SLC35A3: variants seen among roughly 807,000 people sequenced by gnomAD.
SLC35A3 encodes the protein solute carrier family 35 member A3.
A neutral mutation model predicts 39.0 loss-of-function variants in SLC35A3; 26 were observed. The observed-to-expected ratio is 0.67, with a 90% CI of 0.49 to 0.92. The LOEUF (loss-of-function observed/expected upper bound fraction) is 0.92, where lower values mean the gene tolerates loss of function less well. Ranked by LOEUF, SLC35A3 falls within the 40% of genes least tolerant of loss-of-function variation. The pLI is 0.00. For missense variants in SLC35A3, 299 were observed against 371.6 expected (o/e 0.80, Z 1.61); for synonymous variants, 135 against 133.1 (o/e 1.01, Z -0.10).
intron 1 of SLC35A3, chr1:99,970,671 G>A: frequency 6.8e-7 from 1 of 1,480,894 alleles, no homozygotes. Flanking sequence ...CACAAGGACT[G>A]TTTGAAGTGG....
chr1:99,986,155 A>T (rs935619462), intron 1 of SLC35A3, among the ~76,000 whole-genome samples: 10 of 149,758 alleles, frequency 6.7e-5, no homozygotes, highest in Non-Finnish European at 1.3e-4. Context: ...ATTTGTTTGC[A>T]TATATTCTAC....
rs1392022961 is a variant in SLC35A3 at position 99,970,138 on chromosome 1, C to T, written c.-43C>T. On this transcript the variant is annotated 5_prime_UTR_variant, in exon 1 of 8. Transcript: ENST00000533028. ...CTGAACCGCGGCCCCCGGTGGTGGG[C>T]TCAGCCGGTCGAGCTGCGCGGGAGG... 3 of 159,494 alleles carry T rather than the reference C, an allele frequency of 1.9e-5. No individual in the cohort carries two copies. Among genetic ancestry groups the T allele is most frequent in the African/African-American group, 7.2e-5 (3 of 41,596 alleles). 9.9% of individuals were successfully genotyped at this position (159,494 alleles called of 1,614,324 possible).
chr1:99,991,849 A>G (rs950780549), intron 1 of SLC35A3, among the ~76,000 whole-genome samples: 2 of 152,122 alleles, frequency 1.3e-5, no homozygotes, highest in Non-Finnish European at 2.9e-5. Flanking sequence ...CCCGAGTTCA[A>G]GCTATTCTCC....
intron 1 of SLC35A3, among the ~76,000 whole-genome samples, chr1:99,983,510 G>A (rs1268624496): frequency 6.6e-6 from 1 of 150,460 alleles, no homozygotes; most frequent in Non-Finnish European, 1.5e-5. Context: ...CTGCACTCCA[G>A]CCTGGGCGAC....
chr1:99,978,042 ATAGTC>A (rs1657224467), intron 1 of SLC35A3, among the ~76,000 whole-genome samples: 2 of 152,352 alleles, frequency 1.3e-5, no homozygotes, highest in South Asian at 4.1e-4. Context: ...GTCAACTTGA[ATAGTC>A]TAGTAGGGAC....
At position 100,024,682 on chromosome 1, in the gene SLC35A3, G is replaced by A. The variant is rs771158045; in HGVS notation, c.*2206G>A. 1.6e-5 allele frequency: 6 copies of A among 382,702 alleles called. No homozygotes were observed. The highest frequency in any genetic ancestry group is 2.7e-5 in the Non-Finnish European group (6 of 218,374). 23.7% of individuals were successfully genotyped at this position (382,702 alleles called of 1,614,324 possible). The stretch of plus-strand genomic sequence containing the variant: ...TCGCCAGGCTGGAGTGCTGTGGCGC[G>A]ATCTCGGCTTACTGCAACCTCCCAC... On this transcript the variant is annotated 3_prime_UTR_variant, in exon 8 of 8. Coordinates refer to ENST00000533028, the MANE Select transcript of SLC35A3 (RefSeq NM_012243.3).
chr1:99,996,075 A>G (rs1195106880), intron 2 of SLC35A3, among the ~76,000 whole-genome samples: 1 of 152,232 alleles, frequency 6.6e-6, no homozygotes, highest in Non-Finnish European at 1.5e-5. Flanking sequence ...CAAAGCATCT[A>G]TAGACACACC....
chr1:99,986,652 C>A (rs917367759), intron 1 of SLC35A3, among the ~76,000 whole-genome samples: 9 of 152,102 alleles, frequency 5.9e-5, no homozygotes, highest in African/African-American at 2.2e-4. Flanking sequence ...CAGTGGTACA[C>A]AATCTTGGCT....
chr1:100,003,589 G>C (rs546492343), intron 3 of SLC35A3, among the ~76,000 whole-genome samples: 42 of 152,224 alleles, frequency 2.8e-4, no homozygotes, highest in African/African-American at 1.0e-3. Flanking sequence ...TGTGCATTCT[G>C]CAACTGTTAG....
chr1:100,022,558 GTC>G lies in SLC35A3; in HGVS notation c.*84_*85del. On this transcript the variant is annotated 3_prime_UTR_variant, in exon 8 of 8. Transcript: ENST00000533028. Reference sequence around the variant, plus strand: ...ATCTTGCACAGAGGACTTCTACAGAGTCTGAGAAGATATCATCATGCTGAATC... The same window carrying G: ...ATCTTGCACAGAGGACTTCTACAGAGTGAGAAGATATCATCATGCTGAATC... 5.9e-6 allele frequency: 4 copies of G among 676,260 alleles called. No individual in the cohort carries two copies. The Admixed American group carries it at 8.6e-5, about 14-fold the overall frequency. 41.9% of individuals were successfully genotyped at this position (676,260 alleles called of 1,614,324 possible).
At chr1:99,977,139 C>A (rs1260640803) in intron 1 of SLC35A3, among the ~76,000 whole-genome samples, 1 of 152,002 alleles carries the variant, frequency 6.6e-6, no homozygotes, top group Admixed American at 6.6e-5. Flanking sequence ...CAGGTTTATC[C>A]TCAGGCTGAA....
intron 1 of SLC35A3, among the ~76,000 whole-genome samples, chr1:99,978,235 C>A (rs1315384067): frequency 6.6e-6 from 1 of 152,108 alleles, no homozygotes; most frequent in Admixed American, 6.5e-5. Flanking sequence ...TTTTTTAAAA[C>A]AGCAAAGAGG....
intron 5 of SLC35A3, 150 bp downstream of exon 5, chr1:100,011,683 ATTATTTATTTATTTATTTAT>A (rs143297934): frequency 0.012 from 2,066 of 170,038 alleles, 24 homozygotes; most frequent in Middle Eastern, 0.039. Context: ...AAAACATTTT[ATTATTTATTTATTTATTTAT>A]TTATTTATTT....
intron 1 of SLC35A3, among the ~76,000 whole-genome samples, chr1:99,979,907 G>C (rs992172336): frequency 7.2e-5 from 11 of 151,812 alleles, no homozygotes; most frequent in African/African-American, 2.7e-4. Context: ...AGCCGGACAT[G>C]GTGGTGCAAG....
At chr1:99,986,570 T>A (rs1018730476) in intron 1 of SLC35A3, among the ~76,000 whole-genome samples, 2 of 151,902 alleles carry the variant, frequency 1.3e-5, no homozygotes, top group Non-Finnish European at 2.9e-5. Flanking sequence ...GACCTTTAAT[T>A]TTTATTTATT....
chr1:100,003,905 C>T (rs927927211), intron 3 of SLC35A3, among the ~76,000 whole-genome samples: 9 of 152,134 alleles, frequency 5.9e-5, no homozygotes, highest in African/African-American at 2.2e-4. Flanking sequence ...CAGTTTTTGA[C>T]CTAAAGTCTA....
At chr1:99,980,351 G>A (rs1403102713) in intron 1 of SLC35A3, among the ~76,000 whole-genome samples, 1 of 152,004 alleles carries the variant, frequency 6.6e-6, no homozygotes, top group Non-Finnish European at 1.5e-5. Context: ...GAAATGGGAG[G>A]GTGGGAAGGA....
At position 100,011,498 on chromosome 1, in the gene SLC35A3, C is replaced by G. The variant is rs759966591; in HGVS notation, c.599C>G (p.Thr200Arg). Residue 200 changes from threonine (T) to arginine (R), a missense_variant, in exon 5 of 8, where the codon ACA becomes AGA. Thr to Arg is a moderately conservative substitution (Grantham distance 71). Coordinates refer to ENST00000533028, the MANE Select transcript of SLC35A3 (RefSeq NM_012243.3). ...TACTTTGAGAAAATCTTAAAAGAAA[C>G]AAAACAATCAGTGTGGATAAGAAAT... ...GVYFEKILKETKQSVWIRNIQ... is the reference protein window; with the variant it reads ...GVYFEKILKERKQSVWIRNIQ... 2.8e-5 allele frequency: 43 copies of G among 1,552,834 alleles called. No individual in the cohort carries two copies. The Admixed American group carries it at 7.5e-4, about 27-fold the overall frequency.
intron 6 of SLC35A3, among the ~76,000 whole-genome samples, chr1:100,016,807 C>A (rs1219007295): frequency 6.6e-6 from 1 of 152,092 alleles, no homozygotes; most frequent in African/African-American, 2.4e-5. Context: ...CTTATTCCAG[C>A]AAAGAGAAGA....
Sources: gnomAD v4.1 joint callset for allele counts (sites outside exome capture counted in the v4.1 genomes callset) on GRCh38, gnomAD v4.1.1 for gene constraint, MANE v1.5 for transcripts, NCBI Gene and HGNC (gene_info 2026-07-23, HGNC 2026-07-21) for gene names.